CUBN: variants seen among roughly 807,000 people sequenced by gnomAD.
CUBN encodes the protein cubilin.
Under a neutral mutation model 405.3 loss-of-function variants are expected in CUBN, and 282 were observed. The observed-to-expected ratio is 0.70, with a 90% CI of 0.63 to 0.77. CUBN has a LOEUF of 0.77. CUBN is among the 30% of genes least tolerant of loss of function. The pLI is 0.00. For missense variants in CUBN, 4,514 were observed against 4,475.2 expected, an observed-to-expected ratio of 1.01 and a Z score of -0.25; for synonymous variants, 1,684 against 1,617.0, an observed-to-expected ratio of 1.04 and a Z score of -0.99.
Position 16,983,636 on chromosome 10 carries a change from T to C in CUBN, c.4525+469A>G, listed in dbSNP as rs576576814. ...ACATCTGTTACACTATTTTGTGCCA[T>C]AGATTTTTGCTATAGTTTAAAAATA... On this transcript the variant is annotated intron_variant, in intron 30 of 66. Transcript: ENST00000377833. 2.0e-5 allele frequency among the ~76,000 whole-genome samples: 3 copies of C among 152,378 alleles called. No individual in the cohort carries two copies. In the South Asian group the frequency reaches 6.2e-4, roughly 32 times the overall value.
rs767693153 is a variant in CUBN, at chr10:17,105,593, C to T, written c.1112-18G>A. 6.4e-6 allele frequency: 9 copies of T among 1,401,688 alleles called. No homozygotes were observed. Among genetic ancestry groups the T allele is most frequent in the Non-Finnish European group, 9.1e-6 (9 of 984,974 alleles). 86.8% of individuals were successfully genotyped at this position (1,401,688 alleles called of 1,614,324 possible). A position where few individuals can be genotyped will look rare whatever the true frequency, so the allele number is the denominator to read the frequency against. ...TAAGGAACCTGTTCAGAAATAAAAACAAACGTGTAAATACAGGTCTCCTCC... is the reference window on the plus strand; with the variant it reads ...TAAGGAACCTGTTCAGAAATAAAAATAAACGTGTAAATACAGGTCTCCTCC... On this transcript the variant is annotated intron_variant, in intron 10 of 66. Coordinates refer to ENST00000377833, the MANE Select transcript of CUBN (RefSeq NM_001081.4).
At chr10:17,072,466 G>A (rs1480896911) in intron 17 of CUBN, among the ~76,000 whole-genome samples, 1 of 152,080 alleles carries the variant, frequency 6.6e-6, no homozygotes, top group Non-Finnish European at 1.5e-5. Flanking sequence ...AGGGACAGTG[G>A]CACACACCTA....
chr10:17,081,618 A>G (rs1588629978), intron 17 of CUBN, among the ~76,000 whole-genome samples: 2 of 152,200 alleles, frequency 1.3e-5, no homozygotes, highest in South Asian at 2.1e-4. Context: ...TTGTATGACC[A>G]CTATCTGAAG....
chr10:17,014,225 G>A (rs1834263586), intron 28 of CUBN, among the ~76,000 whole-genome samples: 1 of 152,136 alleles, frequency 6.6e-6, no homozygotes, highest in South Asian at 2.1e-4. Flanking sequence ...CTGGTTGTGG[G>A]GTTGTCCCAT....
At chr10:16,900,990 A>G (rs1165460261) in intron 52 of CUBN, 140 bp from the exon 53 acceptor site, 2 of 738,518 alleles carry the variant, frequency 2.7e-6, no homozygotes, top group East Asian at 5.4e-5. Context: ...CTTCCCCTCT[A>G]CTTTTTTTTC....
At chr10:16,965,266 C>G (rs1843355676) in intron 31 of CUBN, among the ~76,000 whole-genome samples, 1 of 152,220 alleles carries the variant, frequency 6.6e-6, no homozygotes, top group Non-Finnish European at 1.5e-5. Context: ...CTCAAAACAA[C>G]TCAGTGCACA....
rs1835457537 is a variant in CUBN at position 17,059,397 on chromosome 10, A to C, written c.3139+6111T>G. 2.6e-5 allele frequency among the ~76,000 whole-genome samples: 4 copies of C among 152,142 alleles called. No individual in the cohort carries two copies. The South Asian group carries it at 8.3e-4, about 32-fold the overall frequency. On this transcript the variant is annotated intron_variant, in intron 22 of 66. Coordinates refer to ENST00000377833, the MANE Select transcript of CUBN (RefSeq NM_001081.4). ...GCTGATCCTCTGGAGAGAGGAATGC[A>C]TCTCATAGGGAGACTCTAGATTATG... is the stretch of plus-strand genomic sequence containing the variant.
intron 4 of CUBN, among the ~76,000 whole-genome samples, chr10:17,124,859 C>T: frequency 6.8e-6 from 1 of 147,962 alleles, no homozygotes; most frequent in Non-Finnish European, 1.5e-5. Flanking sequence ...TGAGATGGAG[C>T]CTCGGTCTGT....
At chr10:16,872,186 G>A (rs1413952387) in intron 58 of CUBN, among the ~76,000 whole-genome samples, 1 of 152,156 alleles carries the variant, frequency 6.6e-6, no homozygotes, top group East Asian at 1.9e-4. Context: ...GTTGCAGTGA[G>A]CTGAGATCAC....
At chr10:17,129,380 G>A in intron 1 of CUBN, 130 bp from the exon 2 acceptor site, 1 of 1,112,816 alleles carries the variant, frequency 9.0e-7, no homozygotes. Context: ...CAACCCAACT[G>A]CCCCTGCTCA....
At position 17,038,516 on chromosome 10, in the gene CUBN, C is replaced by T. The variant is rs376127077; in HGVS notation, c.4017+2517G>A. 7.2e-5 allele frequency among the ~76,000 whole-genome samples: 11 copies of T among 152,244 alleles called. No homozygotes were observed. The East Asian group carries it at 1.4e-3, about 19-fold the overall frequency. ...TTCAAACCCATTCCTCTCATCAAGG[C>T]GGGATAGTGTCTGACCAGCACGTAA... On this transcript the variant is annotated intron_variant, in intron 27 of 66. Transcript: ENST00000377833.
intron 62 of CUBN, among the ~76,000 whole-genome samples, chr10:16,837,238 C>T (rs1213274206): frequency 6.6e-6 from 1 of 151,950 alleles, no homozygotes; most frequent in Non-Finnish European, 1.5e-5. Flanking sequence ...CCTGGTTCTC[C>T]AGCAGCCTCC....
At chr10:17,060,531 G>C (rs1247846877) in intron 22 of CUBN, among the ~76,000 whole-genome samples, 1 of 152,162 alleles carries the variant, frequency 6.6e-6, no homozygotes, top group African/African-American at 2.4e-5. Flanking sequence ...TAAGGAGTAA[G>C]AAATATAACA....
At chr10:17,070,725 T>TG (rs1312958323) in intron 19 of CUBN, among the ~76,000 whole-genome samples, 1 of 152,152 alleles carries the variant, frequency 6.6e-6, no homozygotes, top group Non-Finnish European at 1.5e-5. Flanking sequence ...ACCCACAACT[T>TG]GCTGAATGGA....
intron 27 of CUBN, among the ~76,000 whole-genome samples, chr10:17,035,672 A>C (rs940966866): frequency 6.6e-6 from 1 of 152,232 alleles, no homozygotes; most frequent in Non-Finnish European, 1.5e-5. Flanking sequence ...GAGCAAGATC[A>C]GGTCCTTTGC....
At chr10:16,903,863 G>A (rs927609337) in intron 51 of CUBN, 103 bp downstream of exon 51, 9 of 779,912 alleles carry the variant, frequency 1.2e-5, no homozygotes, top group Non-Finnish European at 1.4e-5. Flanking sequence ...AAAACTAATA[G>A]CTATGTAGAA....
intron 31 of CUBN, among the ~76,000 whole-genome samples, chr10:16,978,502 G>A (rs974013931): frequency 6.6e-6 from 1 of 152,196 alleles, no homozygotes; most frequent in Non-Finnish European, 1.5e-5. Context: ...AATATACAGT[G>A]ATAAATAAAC....
intron 10 of CUBN, among the ~76,000 whole-genome samples, chr10:17,108,562 T>C (rs1836692915): frequency 6.6e-6 from 1 of 152,150 alleles, no homozygotes; most frequent in South Asian, 2.1e-4. Context: ...CAGATCTCTA[T>C]TTGATGCTAC....
chr10:16,876,551 G>A (rs117588832), intron 57 of CUBN, among the ~76,000 whole-genome samples: 3,815 of 151,922 alleles, frequency 0.025, 66 homozygotes, highest in Non-Finnish European at 0.04. Flanking sequence ...AATGACTTGG[G>A]GAAACAAAAC....
Sources: allele counts gnomAD v4.1 joint callset (sites outside exome capture counted in the v4.1 genomes callset), GRCh38; gene constraint gnomAD v4.1.1; transcripts MANE v1.5; gene names NCBI Gene and HGNC (gene_info 2026-07-23, HGNC 2026-07-21).